The following WWOX variants were observed in gnomAD, a reference collection of about 807,000 sequenced individuals.
WWOX encodes WW domain-containing oxidoreductase.
In WWOX, 69 loss-of-function variants were observed where a neutral mutation model predicts 46.2. The ratio of observed to expected loss-of-function variants is 1.49; its 90% confidence interval spans 1.23 to 1.82. The LOEUF (loss-of-function observed/expected upper bound fraction) is 1.82. WWOX is among the 40% of genes most tolerant of loss of function. The pLI, the probability that WWOX is intolerant of heterozygous loss-of-function variation, is 0.00. For missense variants in WWOX, 919 were observed against 542.6 expected (o/e 1.69, Z -6.89); for synonymous variants, 359 against 202.6 (o/e 1.77, Z -6.56).
At chr16:78,860,018 A>G (rs1260130851) in intron 8 of WWOX, among the ~76,000 whole-genome samples, 1 of 152,222 alleles carries the variant, frequency 6.6e-6, no homozygotes, top group Non-Finnish European at 1.5e-5. Context: ...TAGCATTTTC[A>G]CGAGTAAACT....
chr16:78,858,814 G>C (rs2052632918), intron 8 of WWOX, among the ~76,000 whole-genome samples: 2 of 151,194 alleles, frequency 1.3e-5, no homozygotes, highest in East Asian at 3.9e-4. Flanking sequence ...CAGTTGCTGG[G>C]ACCACTGGCA....
At chr16:78,243,173 T>C (rs1300998772) in intron 5 of WWOX, among the ~76,000 whole-genome samples, 1 of 152,206 alleles carries the variant, frequency 6.6e-6, no homozygotes, top group Non-Finnish European at 1.5e-5. Flanking sequence ...AATACAAATA[T>C]CAACATTTTT....
At chr16:78,901,876 T>C (rs1165343441) in intron 8 of WWOX, among the ~76,000 whole-genome samples, 1 of 152,150 alleles carries the variant, frequency 6.6e-6, no homozygotes, top group Non-Finnish European at 1.5e-5. Context: ...CACACGGGCC[T>C]CTCCTACAAA....
intron 8 of WWOX, among the ~76,000 whole-genome samples, chr16:78,697,661 A>G (rs965395118): frequency 9.2e-5 from 14 of 152,264 alleles, no homozygotes; most frequent in African/African-American, 3.4e-4. Context: ...GCTCAACATC[A>G]CTAATGATCA....
intron 8 of WWOX, among the ~76,000 whole-genome samples, chr16:78,519,257 G>A (rs1364899107): frequency 6.6e-6 from 1 of 152,078 alleles, no homozygotes; most frequent in Non-Finnish European, 1.5e-5. Flanking sequence ...GACTTGCGGA[G>A]TGCCTAGAAC....
intron 5 of WWOX, among the ~76,000 whole-genome samples, chr16:78,366,321 C>T (rs1410901544): frequency 6.6e-6 from 1 of 152,192 alleles, no homozygotes; most frequent in Non-Finnish European, 1.5e-5. Flanking sequence ...TTTAGATATG[C>T]TCCCTCCTAT....
intron 8 of WWOX, chr16:79,196,387 T>C (rs947249619): frequency 6.6e-6 from 1 of 152,180 alleles, no homozygotes; most frequent in Non-Finnish European, 1.5e-5. Context: ...GGTTTGGGTT[T>C]ATACCAGTTT....
intron 8 of WWOX, among the ~76,000 whole-genome samples, chr16:78,523,397 G>C (rs1245315179): frequency 6.6e-6 from 1 of 152,206 alleles, no homozygotes. Flanking sequence ...TATAAGAGAG[G>C]AAGTAGTACA....
At chr16:78,329,036 T>G (rs1365880415) in intron 5 of WWOX, among the ~76,000 whole-genome samples, 5 of 152,022 alleles carry the variant, frequency 3.3e-5, no homozygotes, top group African/African-American at 9.7e-5. Flanking sequence ...TGATTTTCTT[T>G]TTTTTCGTAG....
chr16:78,791,675 C>G (rs1426527533), intron 8 of WWOX, among the ~76,000 whole-genome samples: 3 of 151,986 alleles, frequency 2.0e-5, no homozygotes, highest in African/African-American at 7.3e-5. Context: ...GTCAGAAGTT[C>G]GAGACCAGCC....
At chr16:79,042,006 G>A (rs1160587772) in intron 8 of WWOX, among the ~76,000 whole-genome samples, 5 of 152,136 alleles carry the variant, frequency 3.3e-5, no homozygotes, top group African/African-American at 1.2e-4. Flanking sequence ...AATGTAAAAT[G>A]TATATACCTT....
chr16:79,038,545 G>T (rs558707765), intron 8 of WWOX, among the ~76,000 whole-genome samples: 2 of 152,192 alleles, frequency 1.3e-5, no homozygotes, highest in Non-Finnish European at 2.9e-5. Flanking sequence ...TTCTGACAAA[G>T]AATTAACTTT....
chr16:78,169,412 G>A (rs1215422339), intron 5 of WWOX, among the ~76,000 whole-genome samples: 1 of 151,814 alleles, frequency 6.6e-6, no homozygotes, highest in African/African-American at 2.4e-5. Flanking sequence ...TTGGGCTTCT[G>A]TTGCTTTATT....
At chr16:78,390,591 C>G (rs137864705) in intron 6 of WWOX, among the ~76,000 whole-genome samples, 3 of 152,076 alleles carry the variant, frequency 2.0e-5, no homozygotes, top group Admixed American at 6.5e-5. Context: ...CATAAAAAAG[C>G]GAGAGATTTT....
At chr16:78,682,854 A>AG (rs1323988417) in intron 8 of WWOX, among the ~76,000 whole-genome samples, 1 of 152,228 alleles carries the variant, frequency 6.6e-6, no homozygotes, top group Non-Finnish European at 1.5e-5. Context: ...CAAATAGAAC[A>AG]GTGGTGCTTA....
At chr16:78,877,842 T>C (rs1287502957) in intron 8 of WWOX, among the ~76,000 whole-genome samples, 1 of 152,078 alleles carries the variant, frequency 6.6e-6, no homozygotes, top group Non-Finnish European at 1.5e-5. Context: ...GCAACATAGG[T>C]AGTTTTATAT....
intron 8 of WWOX, chr16:78,890,555 T>C (rs1315446192): frequency 6.6e-6 from 1 of 152,228 alleles, no homozygotes; most frequent in East Asian, 1.9e-4. Context: ...CCTGCCACCT[T>C]GGCAACCTTT....
chr16:78,230,409 C>T (rs1358842785), intron 5 of WWOX, among the ~76,000 whole-genome samples: 1 of 152,166 alleles, frequency 6.6e-6, no homozygotes. Context: ...CTGTTGCATC[C>T]TTTGATTGGG....
intron 8 of WWOX, among the ~76,000 whole-genome samples, chr16:78,819,339 G>T (rs1015803284): frequency 6.6e-6 from 1 of 152,152 alleles, no homozygotes; most frequent in African/African-American, 2.4e-5. Context: ...CTAAAACAGG[G>T]ATAGGGTGGG....
Sources: gnomAD v4.1 joint callset for allele counts (sites outside exome capture counted in the v4.1 genomes callset) on GRCh38, gnomAD v4.1.1 for gene constraint, MANE v1.5 for transcripts, NCBI Gene and HGNC (gene_info 2026-07-23, HGNC 2026-07-21) for gene names.